PBX1: variants seen among roughly 807,000 people sequenced by gnomAD.
The protein encoded by PBX1 is pre-B-cell leukemia transcription factor 1.
Under a neutral mutation model 53.4 loss-of-function variants are expected in PBX1, and 6 were observed. The observed-to-expected ratio is 0.11, with a 90% confidence interval of 0.06 to 0.22. The LOEUF (loss-of-function observed/expected upper bound fraction) is 0.22, where lower values mean the gene tolerates loss of function less well. Among genes scored for constraint, PBX1 ranks in the 10% least tolerant of loss-of-function variants. The pLI is 1.00. For missense variants in PBX1, 251 were observed against 551.4 expected, an observed-to-expected ratio of 0.46 and a Z score of 5.46; for synonymous variants, 204 against 212.3, an observed-to-expected ratio of 0.96 and a Z score of 0.34.
chr1:164,563,336 A>G (rs1200695542), intron 2 of PBX1, 25 bp downstream of exon 2: 1 of 1,527,194 alleles, frequency 6.5e-7, no homozygotes, highest in Non-Finnish European at 9.0e-7. Context: ...CCAACATTTT[A>G]GCATTTTCTT....
intron 2 of PBX1, among the ~76,000 whole-genome samples, chr1:164,883,926 A>C (rs1243988149): frequency 6.6e-6 from 1 of 152,204 alleles, no homozygotes; most frequent in Non-Finnish European, 1.5e-5. Context: ...CTGAACTGTC[A>C]TTGACCTATG....
intron 2 of PBX1, among the ~76,000 whole-genome samples, chr1:164,659,528 A>T: frequency 6.6e-6 from 1 of 152,220 alleles, no homozygotes; most frequent in East Asian, 1.9e-4. Context: ...GAGTTCTTTG[A>T]GTGAGCAAGG....
At chr1:164,643,644 A>T (rs1659280874) in intron 2 of PBX1, among the ~76,000 whole-genome samples, 1 of 152,208 alleles carries the variant, frequency 6.6e-6, no homozygotes, top group Admixed American at 6.5e-5. Context: ...TATTTAAGTT[A>T]CAACCTTTTG....
intron 2 of PBX1, among the ~76,000 whole-genome samples, chr1:164,715,433 T>G (rs962072768): frequency 7.9e-5 from 12 of 152,290 alleles, no homozygotes; most frequent in East Asian, 1.9e-4. Context: ...GGTCAGTTGA[T>G]TTTGAGGTTC....
At chr1:164,820,872 A>G (rs1242894396) in intron 7 of PBX1, among the ~76,000 whole-genome samples, 1 of 152,206 alleles carries the variant, frequency 6.6e-6, no homozygotes, top group Non-Finnish European at 1.5e-5. Context: ...GGTCAGAATT[A>G]CTAGGGAAGT....
At chr1:164,817,799 T>C (rs1050152347) in intron 6 of PBX1, 1 of 152,242 alleles carries the variant, frequency 6.6e-6, no homozygotes, top group Non-Finnish European at 1.5e-5. Context: ...GTTTCTCCCA[T>C]TTCTAAGTTT....
intron 2 of PBX1, among the ~76,000 whole-genome samples, chr1:164,748,466 A>G (rs1035597245): frequency 2.0e-5 from 3 of 152,218 alleles, no homozygotes; most frequent in African/African-American, 2.4e-5. Context: ...GGTCAGCTTA[A>G]CAGTCATTAG....
intron 3 of PBX1, among the ~76,000 whole-genome samples, chr1:164,798,716 C>T (rs1668909997): frequency 6.6e-6 from 1 of 152,178 alleles, no homozygotes; most frequent in Non-Finnish European, 1.5e-5. Context: ...AGTTTATAAC[C>T]TGAGAATTTT....
intron 2 of PBX1, among the ~76,000 whole-genome samples, chr1:164,764,963 C>T (rs1183813631): frequency 6.6e-6 from 1 of 151,996 alleles, no homozygotes; most frequent in Non-Finnish European, 1.5e-5. Flanking sequence ...TATTATAATT[C>T]TCCTGTGAAT....
intron 2 of PBX1, among the ~76,000 whole-genome samples, chr1:164,693,056 C>T (rs1402994657): frequency 1.3e-5 from 2 of 152,210 alleles, no homozygotes; most frequent in Non-Finnish European, 1.5e-5. Context: ...GACCACTGTT[C>T]GCCAAGGTCA....
intron 8 of PBX1, among the ~76,000 whole-genome samples, chr1:164,826,516 T>C (rs1670471462): frequency 6.6e-6 from 1 of 152,116 alleles, no homozygotes; most frequent in African/African-American, 2.4e-5. Flanking sequence ...GCGATTCTTG[T>C]GCCTCAGCCT....
intron 2 of PBX1, among the ~76,000 whole-genome samples, chr1:164,634,749 T>C (rs1258487772): frequency 6.6e-6 from 1 of 152,148 alleles, no homozygotes; most frequent in African/African-American, 2.4e-5. Context: ...GTTTGGGGTC[T>C]TTGTTGTAGG....
At chr1:164,732,221 C>A (rs1045239466) in intron 2 of PBX1, among the ~76,000 whole-genome samples, 1 of 152,098 alleles carries the variant, frequency 6.6e-6, no homozygotes, top group Non-Finnish European at 1.5e-5. Context: ...ATAAACTTCT[C>A]TTTTTAAAAC....
intron 6 of PBX1, 94 bp from the exon 7 acceptor site, chr1:164,819,978 T>G (rs1670073206): frequency 5.7e-6 from 4 of 702,174 alleles, no homozygotes; most frequent in African/African-American, 3.6e-5. Flanking sequence ...TTGGGGGGGG[T>G]TGCTTTGCAT....
At chr1:164,783,628 T>C (rs954982601) in intron 2 of PBX1, among the ~76,000 whole-genome samples, 7 of 152,180 alleles carry the variant, frequency 4.6e-5, no homozygotes, top group Non-Finnish European at 1.0e-4. Context: ...AAAATAACCT[T>C]ATTTAATCCT....
intron 2 of PBX1, among the ~76,000 whole-genome samples, chr1:164,873,265 C>T (rs143174659): frequency 8.1e-4 from 124 of 152,278 alleles, no homozygotes; most frequent in African/African-American, 2.6e-3. Flanking sequence ...GGACTTCAGG[C>T]GGAGAGGGTT....
At chr1:164,665,953 A>T (rs1660779759) in intron 2 of PBX1, among the ~76,000 whole-genome samples, 1 of 152,138 alleles carries the variant, frequency 6.6e-6, no homozygotes, top group South Asian at 2.1e-4. Flanking sequence ...TGGCCTTGAG[A>T]AGATGGGACT....
At chr1:164,698,548 C>T (rs1342616781) in intron 2 of PBX1, among the ~76,000 whole-genome samples, 1 of 151,996 alleles carries the variant, frequency 6.6e-6, no homozygotes. Flanking sequence ...GCATTCAGGA[C>T]TCAATGTTGC....
rs1671636528 is a variant in PBX1, at chr1:164,847,573, A to T, written c.*897A>T. 1 of 1,063,116 alleles carries T rather than the reference A, an allele frequency of 9.4e-7. No individual in the cohort carries two copies. Among genetic ancestry groups the T allele is most frequent in the East Asian group, 5.1e-5 (1 of 19,798 alleles). 65.9% of individuals were successfully genotyped at this position (1,063,116 alleles called of 1,614,324 possible). A position where few individuals can be genotyped will look rare whatever the true frequency, so the allele number is the denominator to read the frequency against. On this transcript the variant is annotated 3_prime_UTR_variant, in exon 9 of 9. Coordinates refer to ENST00000420696, the MANE Select transcript of PBX1 (RefSeq NM_002585.4). ...TGATGAATGCATCAGCAAGGAATAGAAAGTTCTTATCGTGAAACCCTTCAA... is the reference window on the plus strand; with the variant it reads ...TGATGAATGCATCAGCAAGGAATAGTAAGTTCTTATCGTGAAACCCTTCAA...
Sources: gnomAD v4.1 joint callset for allele counts (sites outside exome capture counted in the v4.1 genomes callset) on GRCh38, gnomAD v4.1.1 for gene constraint, MANE v1.5 for transcripts, NCBI Gene and HGNC (gene_info 2026-07-23, HGNC 2026-07-21) for gene names.